ZBTB38: variants seen among roughly 807,000 people sequenced by gnomAD.
The protein encoded by ZBTB38 is zinc finger and BTB domain-containing protein 38.
In ZBTB38, 20 loss-of-function variants were observed where a neutral mutation model predicts 76.8. That is an observed-to-expected ratio of 0.26 (90% CI 0.18 to 0.38). The LOEUF is 0.38. ZBTB38 is among the 10% of genes least tolerant of loss of function. ZBTB38 has a pLI of 1.00. For synonymous variants in ZBTB38, 504 were observed against 544.2 expected (o/e 0.93, Z 1.03); for missense variants, 1,082 against 1,482.3 (o/e 0.73, Z 4.43).
intron 1 of ZBTB38, among the ~76,000 whole-genome samples, chr3:141,331,308 A>G (rs775464055): frequency 7.9e-5 from 12 of 152,236 alleles, no homozygotes; most frequent in Non-Finnish European, 1.8e-4. Context: ...TCCCACCTGG[A>G]GAATCTATTT....
rs1195708609 is a variant in ZBTB38 at position 141,340,942 on chromosome 3, G to GAAAAGAAAAGAAAAGAAAAGAAAAGA, written c.-739+16489_-739+16490insAGAAAAGAAAAGAAAAGAAAAGAAAA. Among the ~76,000 whole-genome samples the GAAAAGAAAAGAAAAGAAAAGAAAAGA allele has an allele frequency of 6.3e-4, 64 of 101,176 alleles. 1 individual carries two copies. Among genetic ancestry groups the GAAAAGAAAAGAAAAGAAAAGAAAAGA allele is most frequent in the African/African-American group, 2.0e-3 (46 of 22,696 alleles). 66.4% of individuals were successfully genotyped at this position (101,176 alleles called of 152,430 possible). A position where few individuals can be genotyped will look rare whatever the true frequency, so the allele number is the denominator to read the frequency against. On this transcript the variant is annotated intron_variant, in intron 1 of 7. Transcript: ENST00000509842. Reference sequence around the variant, plus strand: ...AAGGAAAGGAAAAAAGAAAAGAAAAGAAAGAAGGAAAGAAAGAAAGAAAGA... The same window carrying GAAAAGAAAAGAAAAGAAAAGAAAAGA: ...AAGGAAAGGAAAAAAGAAAAGAAAAGAAAAGAAAAGAAAAGAAAAGAAAAGAAAAGAAGGAAAGAAAGAAAGAAAGA...
intron 1 of ZBTB38, among the ~76,000 whole-genome samples, chr3:141,349,997 A>C (rs1203521324): frequency 2.0e-5 from 3 of 152,236 alleles, no homozygotes; most frequent in Admixed American, 2.0e-4. Flanking sequence ...TATAAATTCA[A>C]AGAAATCTCC....
chr3:141,346,785 TG>T (rs1943372972), intron 1 of ZBTB38, among the ~76,000 whole-genome samples: 37 of 135,742 alleles, frequency 2.7e-4, no homozygotes, highest in Non-Finnish European at 4.8e-4. Flanking sequence ...TTTTGTTTTG[TG>T]TGTGTGTGTG....
intron 1 of ZBTB38, among the ~76,000 whole-genome samples, chr3:141,350,001 A>T (rs559820625): frequency 6.6e-6 from 1 of 152,332 alleles, no homozygotes; most frequent in East Asian, 1.9e-4. Context: ...AATTCAAAGA[A>T]ATCTCCCAAA....
At chr3:141,383,945 C>G (rs1485690206) in intron 3 of ZBTB38, among the ~76,000 whole-genome samples, 1 of 152,320 alleles carries the variant, frequency 6.6e-6, no homozygotes, top group Non-Finnish European at 1.5e-5. Flanking sequence ...TGAATGCATA[C>G]CCTTGCCACT....
At chr3:141,347,063 T>C (rs1943384582) in intron 1 of ZBTB38, among the ~76,000 whole-genome samples, 1 of 152,210 alleles carries the variant, frequency 6.6e-6, no homozygotes, top group African/African-American at 2.4e-5. Context: ...TATATTCTCA[T>C]GAAAATTACC....
intron 2 of ZBTB38, among the ~76,000 whole-genome samples, chr3:141,373,903 G>T (rs549350752): frequency 6.6e-6 from 1 of 152,178 alleles, no homozygotes; most frequent in Non-Finnish European, 1.5e-5. Flanking sequence ...GCTGAGGTGC[G>T]CAGATTGCTT....
chr3:141,373,904 C>T (rs1355612759), intron 2 of ZBTB38, among the ~76,000 whole-genome samples: 1 of 152,066 alleles, frequency 6.6e-6, no homozygotes, highest in Non-Finnish European at 1.5e-5. Context: ...CTGAGGTGCG[C>T]AGATTGCTTG....
intron 1 of ZBTB38, among the ~76,000 whole-genome samples, chr3:141,337,421 C>G (rs555214593): frequency 6.6e-6 from 1 of 152,328 alleles, no homozygotes; most frequent in East Asian, 1.9e-4. Context: ...GGTCACAGGA[C>G]CAAATTAGAC....
chr3:141,422,999 G>A (rs80118516), intron 5 of ZBTB38, among the ~76,000 whole-genome samples: 2,330 of 151,946 alleles, frequency 0.015, 22 homozygotes, highest in Non-Finnish European at 0.022. Flanking sequence ...CTATAATCCC[G>A]TATTTTGTTA....
chr3:141,408,852 T>G (rs1955604899), intron 5 of ZBTB38, among the ~76,000 whole-genome samples: 1 of 152,220 alleles, frequency 6.6e-6, no homozygotes, highest in Non-Finnish European at 1.5e-5. Flanking sequence ...GAGCCTTTCC[T>G]AGAAACAGAG....
Position 141,446,037 on chromosome 3 carries a change from A to G in ZBTB38, c.*61A>G. On this transcript the variant is annotated 3_prime_UTR_variant, in exon 6 of 6. Coordinates refer to ENST00000321464, the MANE Select transcript of ZBTB38 (RefSeq NM_001376113.1). ...TGGTGGTTTTTTTAGTTATGATTTA[A>G]GTTTAGTTTCATTTTGTCCATGTGA... 1 of 1,423,356 alleles carries G rather than the reference A, an allele frequency of 7.0e-7. No homozygotes were observed. The highest frequency in any genetic ancestry group is 9.4e-7 in the Non-Finnish European group (1 of 1,065,780). 88.2% of individuals were successfully genotyped at this position (1,423,356 alleles called of 1,614,324 possible).
At chr3:141,342,950 G>A (rs1943241398) in intron 1 of ZBTB38, among the ~76,000 whole-genome samples, 2 of 152,140 alleles carry the variant, frequency 1.3e-5, no homozygotes, top group South Asian at 4.2e-4. Flanking sequence ...GAATGAGCAC[G>A]AACAAACCTG....
At chr3:141,412,780 C>T (rs1237324680) in intron 5 of ZBTB38, among the ~76,000 whole-genome samples, 6 of 151,978 alleles carry the variant, frequency 3.9e-5, no homozygotes, top group Non-Finnish European at 8.8e-5. Context: ...TATTCTTTCT[C>T]CCTCCCACAA....
At chr3:141,426,028 C>T in intron 5 of ZBTB38, 3 of 663,282 alleles carry the variant, frequency 4.5e-6, no homozygotes, top group South Asian at 1.5e-5. Flanking sequence ...GCTTGGATGA[C>T]ATATGTAGGT....
intron 5 of ZBTB38, among the ~76,000 whole-genome samples, chr3:141,434,694 C>T (rs2078350608): frequency 6.6e-6 from 1 of 152,002 alleles, no homozygotes; most frequent in African/African-American, 2.4e-5. Flanking sequence ...ACTAGAATTT[C>T]CCAGTGGCAT....
intron 1 of ZBTB38, among the ~76,000 whole-genome samples, chr3:141,333,007 A>G (rs1576632988): frequency 6.6e-6 from 1 of 152,198 alleles, no homozygotes; most frequent in East Asian, 1.9e-4. Context: ...TAAACAATGA[A>G]CTTGCCAAGA....
At chr3:141,417,723 T>C (rs1577243154) in intron 5 of ZBTB38, among the ~76,000 whole-genome samples, 1 of 152,230 alleles carries the variant, frequency 6.6e-6, no homozygotes, top group East Asian at 1.9e-4. Flanking sequence ...GAGAGCTTAT[T>C]TTAAAAGCCC....
intron 2 of ZBTB38, among the ~76,000 whole-genome samples, chr3:141,371,353 G>T (rs1944584172): frequency 6.6e-6 from 1 of 151,602 alleles, no homozygotes; most frequent in Non-Finnish European, 1.5e-5. Flanking sequence ...GCCCAGCCGA[G>T]AAACTTTTTT....
Sources: gnomAD v4.1 joint callset for allele counts (sites outside exome capture counted in the v4.1 genomes callset) on GRCh38, gnomAD v4.1.1 for gene constraint, MANE v1.5 for transcripts, NCBI Gene and HGNC (gene_info 2026-07-23, HGNC 2026-07-21) for gene names.